The following CSMD3 variants were observed in gnomAD, a reference collection of about 807,000 sequenced individuals.
CSMD3 encodes CUB and Sushi multiple domains 3.
A neutral mutation model predicts 435.2 loss-of-function variants in CSMD3; 177 were observed. The observed-to-expected ratio is 0.41, with a 90% confidence interval of 0.36 to 0.46. The LOEUF is 0.46. Ranked by LOEUF, CSMD3 falls within the 20% of genes least tolerant of loss-of-function variation. The probability of loss-of-function intolerance (pLI) is 0.34; values close to 1 mark genes in which losing one functional copy is unlikely to be tolerated. For missense variants in CSMD3, 4,265 were observed against 4,504.6 expected (o/e 0.95, Z 1.52); for synonymous variants, 1,656 against 1,520.5 (o/e 1.09, Z -2.07).
At chr8:112,893,042 T>G (rs923080056) in intron 10 of CSMD3, among the ~76,000 whole-genome samples, 7 of 151,194 alleles carry the variant, frequency 4.6e-5, no homozygotes, top group Admixed American at 6.6e-5. Context: ...AGTACTGCTG[T>G]TGCTGCTGCT....
At chr8:112,640,687 T>C (rs2074799386) in intron 20 of CSMD3, among the ~76,000 whole-genome samples, 2 of 151,854 alleles carry the variant, frequency 1.3e-5, no homozygotes, top group Admixed American at 1.3e-4. Context: ...TCTTCTATAG[T>C]ATAAAATCAG....
chr8:112,782,143 G>T (rs749721773), intron 13 of CSMD3, among the ~76,000 whole-genome samples: 4 of 151,880 alleles, frequency 2.6e-5, no homozygotes, highest in Non-Finnish European at 5.9e-5. Flanking sequence ...TTCAAACAAA[G>T]AATTCAAAAT....
chr8:112,341,515 T>G lies in CSMD3; in HGVS notation c.6614A>C (p.Tyr2205Ser). 1.2e-6 allele frequency: 2 copies of G among 1,613,254 alleles called. No individual in the cohort carries two copies. The highest frequency in any genetic ancestry group is 2.2e-5 in the East Asian group (1 of 44,842). ...ATGAAACCCTTGTTTGTTTTGTGAA[T>G]AGTCACTGTGAAAATATAAGCTGGT... ...HETSLYFHSDYSQNKQGFHIV... is the reference protein window; with the variant it reads ...HETSLYFHSDSSQNKQGFHIV... The change falls in exon 42 of 71, where the codon TAT (tyrosine) becomes TCT (serine). Residue 2205 changes from tyrosine (Y) to serine (S), a missense_variant. By Grantham distance (144) the Tyr-to-Ser change is moderately radical. This residue lies in a region of CSMD3 where 3,255 missense variants were observed against 3,380.2 expected (regional missense o/e 0.96). Coordinates refer to ENST00000297405, the MANE Select transcript of CSMD3 (RefSeq NM_198123.2).
chr8:112,456,585 C>T (rs1485883155), intron 32 of CSMD3, among the ~76,000 whole-genome samples: 4 of 151,988 alleles, frequency 2.6e-5, no homozygotes, highest in Non-Finnish European at 5.9e-5. Context: ...TTAAAATTAA[C>T]CAACAAGAAA....
chr8:112,577,346 CA>C (rs1285887585), intron 23 of CSMD3, among the ~76,000 whole-genome samples: 2 of 151,888 alleles, frequency 1.3e-5, no homozygotes, highest in African/African-American at 2.4e-5. Context: ...GAAAACAAAA[CA>C]AACAAAATAT....
intron 10 of CSMD3, among the ~76,000 whole-genome samples, chr8:112,895,926 T>C (rs1419580471): frequency 6.6e-6 from 1 of 151,408 alleles, no homozygotes; most frequent in African/African-American, 2.4e-5. Flanking sequence ...GTTTTGTTTG[T>C]TTGTTTGTTT....
At chr8:112,296,683 G>C (rs1417390176) in intron 53 of CSMD3, among the ~76,000 whole-genome samples, 2 of 151,908 alleles carry the variant, frequency 1.3e-5, no homozygotes, top group Non-Finnish European at 2.9e-5. Context: ...TAAAAGCAAT[G>C]ACCTAAAACT....
At chr8:112,949,776 T>G (rs1270119389) in intron 8 of CSMD3, among the ~76,000 whole-genome samples, 1 of 152,040 alleles carries the variant, frequency 6.6e-6, no homozygotes, top group East Asian at 1.9e-4. Context: ...CTGTATCAAT[T>G]TTATTTCTCA....
intron 38 of CSMD3, among the ~76,000 whole-genome samples, chr8:112,359,950 A>G (rs1827023635): frequency 6.6e-6 from 1 of 152,100 alleles, no homozygotes; most frequent in African/African-American, 2.4e-5. Context: ...TTGGAATCTA[A>G]GAAGAGATAG....
chr8:112,611,310 T>G (rs1386409976), intron 22 of CSMD3, among the ~76,000 whole-genome samples: 1 of 152,108 alleles, frequency 6.6e-6, no homozygotes, highest in African/African-American at 2.4e-5. Flanking sequence ...CCAAAAGCAT[T>G]TCTTATAGGT....
chr8:112,553,921 T>C (rs1218032005), intron 25 of CSMD3, among the ~76,000 whole-genome samples: 1 of 152,014 alleles, frequency 6.6e-6, no homozygotes, highest in Non-Finnish European at 1.5e-5. Context: ...GTGCCAGTTA[T>C]TTAATTAACT....
intron 13 of CSMD3, among the ~76,000 whole-genome samples, chr8:112,792,221 T>C (rs1388305401): frequency 6.6e-6 from 1 of 152,162 alleles, no homozygotes; most frequent in Non-Finnish European, 1.5e-5. Context: ...AATATCTTAG[T>C]TTTCTCCTTT....
intron 32 of CSMD3, among the ~76,000 whole-genome samples, chr8:112,421,658 A>G (rs1812521990): frequency 6.8e-6 from 1 of 147,742 alleles, no homozygotes; most frequent in African/African-American, 2.5e-5. Context: ...GTATATATGT[A>G]ATATGTTATA....
chr8:112,356,386 T>A (rs1826600475), intron 38 of CSMD3, among the ~76,000 whole-genome samples: 3 of 152,146 alleles, frequency 2.0e-5, no homozygotes, highest in Admixed American at 2.0e-4. Context: ...GGCCATTATC[T>A]GAGGAGAATT....
chr8:113,133,900 G>T (rs1427771388), intron 4 of CSMD3, among the ~76,000 whole-genome samples: 1 of 151,980 alleles, frequency 6.6e-6, no homozygotes, highest in East Asian at 1.9e-4. Context: ...TTATGCAGAG[G>T]GGGTAAAGAG....
intron 11 of CSMD3, among the ~76,000 whole-genome samples, chr8:112,851,263 G>A (rs1178450439): frequency 2.6e-5 from 4 of 152,044 alleles, no homozygotes; most frequent in Non-Finnish European, 4.4e-5. Context: ...AGGACCACCC[G>A]GAATGGCAGA....
At chr8:112,821,473 C>T (rs1244165606) in intron 12 of CSMD3, among the ~76,000 whole-genome samples, 1 of 151,884 alleles carries the variant, frequency 6.6e-6, no homozygotes. Context: ...TGTTCATGTC[C>T]TTGACCCACT....
At chr8:112,914,638 A>T (rs1417092173) in intron 10 of CSMD3, among the ~76,000 whole-genome samples, 1 of 151,606 alleles carries the variant, frequency 6.6e-6, no homozygotes, top group South Asian at 2.1e-4. Flanking sequence ...AAAGGATAAA[A>T]GTTTATCTCT....
intron 3 of CSMD3, among the ~76,000 whole-genome samples, chr8:113,277,718 T>G (rs779569311): frequency 6.6e-6 from 1 of 151,982 alleles, no homozygotes; most frequent in Non-Finnish European, 1.5e-5. Flanking sequence ...AATTGAAATC[T>G]GATACACTAT....
Sources: gnomAD v4.1 joint callset for allele counts (sites outside exome capture counted in the v4.1 genomes callset) on GRCh38, gnomAD v4.1.1 for gene constraint, gnomAD v4.1.1 regional missense constraint, MANE v1.5 for transcripts, NCBI Gene and HGNC (gene_info 2026-07-23, HGNC 2026-07-21) for gene names.